DOCK10: variants seen among roughly 807,000 people sequenced by gnomAD.
DOCK10 encodes the protein dedicator of cytokinesis 10.
Under a neutral mutation model 280.1 loss-of-function variants are expected in DOCK10, and 145 were observed. The ratio of observed to expected loss-of-function variants is 0.52; its 90% CI spans 0.45 to 0.59. The LOEUF is 0.59. DOCK10 is among the 20% of genes least tolerant of loss of function. The probability of loss-of-function intolerance (pLI) is 0.00; values close to 1 mark genes in which losing one functional copy is unlikely to be tolerated. For missense variants in DOCK10, 2,368 were observed against 2,651.7 expected (o/e 0.89, Z 2.35); for synonymous variants, 915 against 942.2 (o/e 0.97, Z 0.53).
chr2:224,880,205 C>T (rs1698901836), intron 7 of DOCK10, among the ~76,000 whole-genome samples: 1 of 152,090 alleles, frequency 6.6e-6, no homozygotes, highest in Non-Finnish European at 1.5e-5. Flanking sequence ...GTATTACAAT[C>T]TTGTTTCTCA....
chr2:224,794,845 A>G, intron 45 of DOCK10, 34 bp downstream of exon 45: 6 of 1,604,532 alleles, frequency 3.7e-6, no homozygotes, highest in Non-Finnish European at 4.3e-6. Flanking sequence ...AGAGGACAAT[A>G]CTGATGGTAA....
At chr2:225,024,311 T>C (rs751446132) in intron 1 of DOCK10, among the ~76,000 whole-genome samples, 1 of 152,224 alleles carries the variant, frequency 6.6e-6, no homozygotes, top group Non-Finnish European at 1.5e-5. Flanking sequence ...TTGATCTTGG[T>C]CATTATATTA....
At chr2:224,822,037 T>G (rs1175086320) in intron 28 of DOCK10, among the ~76,000 whole-genome samples, 1 of 152,188 alleles carries the variant, frequency 6.6e-6, no homozygotes, top group Non-Finnish European at 1.5e-5. Context: ...AGCTCACCAG[T>G]GACAAGTTGG....
intron 11 of DOCK10, among the ~76,000 whole-genome samples, chr2:224,870,815 ATTTTTTTTTTTTTTTT>A (rs71410336): frequency 1.9e-5 from 1 of 52,618 alleles, no homozygotes; most frequent in African/African-American, 1.0e-4. Flanking sequence ...TGGCCACTCC[ATTTTTTTTTTTTTTTT>A]TTTTTTTTTT....
chr2:224,934,250 A>C (rs746400727), intron 1 of DOCK10, among the ~76,000 whole-genome samples: 1 of 152,200 alleles, frequency 6.6e-6, no homozygotes, highest in Non-Finnish European at 1.5e-5. Context: ...TTAATGAATG[A>C]TATTTATTAG....
Position 224,770,363 on chromosome 2 carries a change from A to G in DOCK10, c.6306-14T>C. ...TCTGCAAATTGCCTTTAGCGACAGC[A>G]TTAAACAAATTAAAAACCAGCCCTC... is the stretch of plus-strand genomic sequence containing the variant. On this transcript the variant is annotated splice_polypyrimidine_tract_variant and intron_variant, in intron 54 of 55. Coordinates refer to ENST00000258390, the MANE Select transcript of DOCK10 (RefSeq NM_014689.3). The surrounding 1 kb of genome is among the most constrained non-coding windows in gnomAD (Gnocchi z 4.5). 2 of 1,580,620 alleles carry G rather than the reference A, an allele frequency of 1.3e-6. No individual in the cohort carries two copies. The highest frequency in any genetic ancestry group is 1.7e-6 in the Non-Finnish European group (2 of 1,163,162).
intron 45 of DOCK10, 46 bp from the exon 46 acceptor site, chr2:224,793,503 T>C (rs757230363): frequency 6.7e-7 from 1 of 1,492,120 alleles, no homozygotes; most frequent in South Asian, 1.1e-5. Flanking sequence ...TGGAGTTTAA[T>C]ATAATTAGGG....
chr2:224,794,731 ATGTAT>A (rs1387419905), intron 45 of DOCK10, 143 bp downstream of exon 45: 3 of 706,464 alleles, frequency 4.2e-6, no homozygotes, highest in African/African-American at 1.8e-5. Context: ...CTATATGGAA[ATGTAT>A]TGTATATGAT....
chr2:224,990,196 G>A (rs1055557126), intron 1 of DOCK10, among the ~76,000 whole-genome samples: 3 of 152,184 alleles, frequency 2.0e-5, no homozygotes, highest in Admixed American at 2.0e-4. Flanking sequence ...GCTTCCTGCA[G>A]AGTGCACGGA....
intron 19 of DOCK10, among the ~76,000 whole-genome samples, chr2:224,846,431 G>GTC (rs1696356861): frequency 6.6e-6 from 1 of 151,552 alleles, no homozygotes; most frequent in South Asian, 2.1e-4. Flanking sequence ...TGGAGACAGG[G>GTC]TCTTGCATTT....
chr2:225,024,897 A>G (rs1689879069), intron 1 of DOCK10, among the ~76,000 whole-genome samples: 1 of 151,876 alleles, frequency 6.6e-6, no homozygotes, highest in African/African-American at 2.4e-5. Context: ...TCAAAAAGAA[A>G]AAAAAGAAAA....
intron 1 of DOCK10, among the ~76,000 whole-genome samples, chr2:225,020,730 T>C (rs1057109303): frequency 3.3e-4 from 50 of 152,172 alleles, no homozygotes; most frequent in African/African-American, 1.2e-3. Context: ...AGAACAATCT[T>C]CACCTTCAGA....
chr2:224,940,228 T>C (rs995865847), intron 1 of DOCK10, among the ~76,000 whole-genome samples: 1 of 152,190 alleles, frequency 6.6e-6, no homozygotes, highest in African/African-American at 2.4e-5. Context: ...AAACCACCCA[T>C]TTCCCACTGT....
chr2:224,850,768 A>G (rs1696678195), intron 18 of DOCK10, among the ~76,000 whole-genome samples: 1 of 152,208 alleles, frequency 6.6e-6, no homozygotes, highest in African/African-American at 2.4e-5. Flanking sequence ...TATAAATGGC[A>G]GTTTTTCCTG....
At chr2:224,930,200 T>TAAAA (rs749672431) in intron 2 of DOCK10, among the ~76,000 whole-genome samples, 2 of 92,142 alleles carry the variant, frequency 2.2e-5, no homozygotes, top group African/African-American at 4.4e-5. Flanking sequence ...TGACACTCGG[T>TAAAA]AAAAAAAAAA....
At chr2:224,793,979 T>C (rs1271414717) in intron 45 of DOCK10, among the ~76,000 whole-genome samples, 1 of 152,234 alleles carries the variant, frequency 6.6e-6, no homozygotes, top group Non-Finnish European at 1.5e-5. Flanking sequence ...ATGGCTGATG[T>C]TATATTTTAA....
chr2:224,883,230 A>G (rs1200245353), intron 7 of DOCK10, among the ~76,000 whole-genome samples: 1 of 152,156 alleles, frequency 6.6e-6, no homozygotes, highest in Non-Finnish European at 1.5e-5. Flanking sequence ...ATCGCTCTCG[A>G]GATATCGTGT....
At position 224,856,707 on chromosome 2, in the gene DOCK10, G is replaced by A. The variant is rs149043566; in HGVS notation, c.1808+153C>T. The stretch of plus-strand genomic sequence containing the variant: ...TATAATTCTAGCAATTTTTACTTTT[G>A]TGGTGCTATTTGGGCATATGTGAAG... On this transcript the variant is annotated intron_variant, in intron 15 of 55. Transcript: ENST00000258390. Among the ~76,000 whole-genome samples, 443 of 152,178 alleles carry A rather than the reference G, an allele frequency of 2.9e-3. 4 individuals are homozygous for A. The highest frequency in any genetic ancestry group is 0.01 in the African/African-American group (419 of 41,508).
chr2:224,985,527 G>A (rs1337002948), intron 1 of DOCK10, among the ~76,000 whole-genome samples: 1 of 151,810 alleles, frequency 6.6e-6, no homozygotes, highest in African/African-American at 2.4e-5. Flanking sequence ...GGAAATGGAA[G>A]GAAGGATGGA....
Sources: allele counts gnomAD v4.1 joint callset (sites outside exome capture counted in the v4.1 genomes callset), GRCh38; gene constraint gnomAD v4.1.1; non-coding constraint Gnocchi (gnomAD v3.1); transcripts MANE v1.5; gene names NCBI Gene and HGNC (gene_info 2026-07-23, HGNC 2026-07-21).